The following HAS3 variants were observed in gnomAD, a reference collection of about 807,000 sequenced individuals.
HAS3 encodes the protein hyaluronan synthase 3.
In HAS3, 27 loss-of-function variants were observed where a neutral mutation model predicts 50.3. That is an observed-to-expected ratio of 0.54 (90% CI 0.40 to 0.74). The LOEUF is 0.74. Ranked by LOEUF, HAS3 falls within the 30% of genes least tolerant of loss-of-function variation. HAS3 has a pLI of 0.00. For missense variants in HAS3, 517 were observed against 742.8 expected (o/e 0.70, Z 3.53); for synonymous variants, 339 against 310.9 (o/e 1.09, Z -0.95).
At chr16:69,113,644 G>A in intron 3 of HAS3, 102 bp downstream of exon 3, 1 of 703,906 alleles carries the variant, frequency 1.4e-6, no homozygotes, top group East Asian at 2.7e-5. Flanking sequence ...CCTAGTATTG[G>A]GGGGAGGTTC....
At chr16:69,093,825 C>T in the HAS3 span, among the ~76,000 whole-genome samples, 5 of 152,112 alleles carry the variant, frequency 3.3e-5, no homozygotes, top group Admixed American at 1.3e-4. Flanking sequence ...CCACTGCGCC[C>T]GGCCTACAGT....
chr16:69,100,243 T>C, the HAS3 span, among the ~76,000 whole-genome samples: 6 of 152,198 alleles, frequency 3.9e-5, no homozygotes, highest in East Asian at 1.9e-4. Flanking sequence ...GCTGCCTTGC[T>C]GTAGTCAAGG....
At chr16:69,101,545 C>T (rs898043578), upstream of HAS3, among the ~76,000 whole-genome samples, 3 of 152,066 alleles carry the variant, frequency 2.0e-5, no homozygotes, top group Non-Finnish European at 4.4e-5. Flanking sequence ...TCTTCTTCCA[C>T]CCTGGCCTCT....
rs1225373041 is a variant in HAS3, at chr16:69,113,214, C to G, written c.637-227C>G. Among the ~76,000 whole-genome samples the G allele has an allele frequency of 2.0e-5, 3 of 152,240 alleles. No individual in the cohort carries two copies. In the East Asian group the frequency reaches 5.8e-4, roughly 29 times the overall value. On this transcript the variant is annotated intron_variant, in intron 2 of 3. Coordinates refer to ENST00000569188, the MANE Select transcript of HAS3 (RefSeq NM_001199280.2). ...CTGGCACCTACTGTCTTCAGGGTTT[C>G]TCCCTCTCAGCCTAGTGGCTGTCAA...
At chr16:69,095,201 T>G in the HAS3 span, among the ~76,000 whole-genome samples, 11 of 152,166 alleles carry the variant, frequency 7.2e-5, no homozygotes, top group Non-Finnish European at 1.3e-4. Context: ...GCCAGGCTGG[T>G]CTTGAACTCC....
chr16:69,114,384 C>T lies in HAS3; in HGVS notation c.780C>T (p.Ser260=), dbSNP rs200905089. The change falls in exon 4 of 4, where the codon AGC becomes AGT. Residue 260 remains serine, a synonymous_variant. Transcript: ENST00000569188. This position sits in a 1 kb window ranked among gnomAD's most constrained non-coding sequence, Gnocchi z 6.4. ...KYDSWISFLS[S]VRYWMAFNVE... ...ACTCATGGATTTCCTTCCTGAGCAG[C>T]GTGCGGTACTGGATGGCCTTCAACG... 31 of 1,608,578 alleles carry T rather than the reference C, an allele frequency of 1.9e-5. No individual in the cohort carries two copies. The East Asian group carries it at 5.3e-4, about 28-fold the overall frequency.
chr16:69,088,514 G>C, the HAS3 span, among the ~76,000 whole-genome samples: 1 of 148,394 alleles, frequency 6.7e-6, no homozygotes, highest in African/African-American at 2.5e-5. Context: ...GAGTGAGACT[G>C]TGCTACTGCC....
intron 2 of HAS3, among the ~76,000 whole-genome samples, chr16:69,110,384 G>A (rs957011402): frequency 1.5e-4 from 23 of 152,168 alleles, no homozygotes; most frequent in Non-Finnish European, 2.9e-4. Flanking sequence ...GGAATAAGGC[G>A]TGAGCCACCA....
At chr16:69,113,652 T>G in intron 3 of HAS3, 110 bp downstream of exon 3, 2 of 652,372 alleles carry the variant, frequency 3.1e-6, no homozygotes, top group East Asian at 2.8e-5. Context: ...TGGGGGGAGG[T>G]TCCTCGCTGG....
Position 69,116,019 on chromosome 16 carries a change from TG to T in HAS3, c.*754del. 1 of 985,480 alleles carries T rather than the reference TG, an allele frequency of 1.0e-6. No individual in the cohort carries two copies. Among genetic ancestry groups the T allele is most frequent in the Admixed American group, 6.2e-5 (1 of 16,240 alleles). The allele number at this position is 985,480 out of a possible 1,614,324, so 61.0% of individuals were successfully genotyped here. On this transcript the variant is annotated 3_prime_UTR_variant, in exon 4 of 4. Transcript: ENST00000569188. ...GGCCTTGGGTGTTCCACCTGGAAAC[TG>T]CTCAGACGTCTAGATGGGTTCTTAG...
chr16:69,116,365 G>C lies in HAS3; in HGVS notation c.*1099G>C. The C allele has an allele frequency of 1.0e-6, 1 of 985,892 alleles. No homozygotes were observed. The highest frequency in any genetic ancestry group is 1.2e-6 in the Non-Finnish European group (1 of 829,934). The allele number at this position is 985,892 out of a possible 1,614,324, so 61.1% of individuals were successfully genotyped here. A position where few individuals can be genotyped will look rare whatever the true frequency, so the allele number is the denominator to read the frequency against. ...CATATGGGAACTATGAGGAGCCTCTGATCAAATTGGCTACAATCTTGGAGC... is the reference window on the plus strand; with the variant it reads ...CATATGGGAACTATGAGGAGCCTCTCATCAAATTGGCTACAATCTTGGAGC... On this transcript the variant is annotated 3_prime_UTR_variant, in exon 4 of 4. Transcript: ENST00000569188.
At position 69,116,295 on chromosome 16, in the gene HAS3, C is replaced by T. The variant is rs372847130; in HGVS notation, c.*1029C>T. On this transcript the variant is annotated 3_prime_UTR_variant, in exon 4 of 4. Transcript: ENST00000569188. The stretch of plus-strand genomic sequence containing the variant: ...CAAGGTGGCAATTGGGGCGGAGCCC[C>T]GGCTCTTATAGAAGCTTCAGCAGGA... 17 of 985,768 alleles carry T rather than the reference C, an allele frequency of 1.7e-5. No homozygotes were observed. In the East Asian group the frequency reaches 3.4e-4, roughly 20 times the overall value. The allele number at this position is 985,768 out of a possible 1,614,324, so 61.1% of individuals were successfully genotyped here. A position where few individuals can be genotyped will look rare whatever the true frequency, so the allele number is the denominator to read the frequency against.
Position 69,107,957 on chromosome 16 carries a change from G to C in HAS3, c.1-1439G>C, listed in dbSNP as rs1960864154. On this transcript the variant is annotated intron_variant, in intron 1 of 3. Transcript: ENST00000569188. The surrounding 1 kb of genome is among the most constrained non-coding windows in gnomAD (Gnocchi z 5.5). ...GGAGTCTCAGGTCGATTTAGGCAGT[G>C]ACTGCGTGTTCTTCGTCCCTTCTAC... 1.3e-5 allele frequency among the ~76,000 whole-genome samples: 2 copies of C among 152,268 alleles called. No homozygotes were observed. Among genetic ancestry groups the C allele is most frequent in the African/African-American group, 4.8e-5 (2 of 41,480 alleles).
At chr16:69,096,496 A>G in the HAS3 span, among the ~76,000 whole-genome samples, 2 of 120,882 alleles carry the variant, frequency 1.7e-5, no homozygotes, top group Admixed American at 1.1e-4. Flanking sequence ...AGATCACACC[A>G]TGCATTCCAG....
upstream of HAS3, among the ~76,000 whole-genome samples, chr16:69,101,922 T>C (rs532062800): frequency 6.6e-4 from 100 of 152,154 alleles, no homozygotes; most frequent in Admixed American, 1.1e-3. Flanking sequence ...GTAGCTGGGA[T>C]TACAGGCGCA....
chr16:69,116,385 T>C lies in HAS3; in HGVS notation c.*1119T>C, dbSNP rs917107991. Reference sequence around the variant, plus strand: ...CCTCTGATCAAATTGGCTACAATCTTGGAGCTGCTTGGACGGATTCCTTGG... The same window carrying C: ...CCTCTGATCAAATTGGCTACAATCTCGGAGCTGCTTGGACGGATTCCTTGG... On this transcript the variant is annotated 3_prime_UTR_variant, in exon 4 of 4. Transcript: ENST00000569188. 4.4e-5 allele frequency: 43 copies of C among 985,796 alleles called. No individual in the cohort carries two copies. The highest frequency in any genetic ancestry group is 6.1e-5 in the Admixed American group (1 of 16,272). The allele number at this position is 985,796 out of a possible 1,614,324, so 61.1% of individuals were successfully genotyped here.
the HAS3 span, among the ~76,000 whole-genome samples, chr16:69,095,705 G>T: frequency 1.3e-5 from 2 of 151,952 alleles, no homozygotes; most frequent in African/African-American, 4.8e-5. Context: ...AGGGAGTGGG[G>T]GTCCTAGCCA....
chr16:69,115,509 T>G lies in HAS3; in HGVS notation c.*243T>G. 8.1e-7 allele frequency: 1 copy of G among 1,233,798 alleles called. No homozygotes were observed. The highest frequency in any genetic ancestry group is 1.0e-6 in the Non-Finnish European group (1 of 987,600). The allele number at this position is 1,233,798 out of a possible 1,614,324, so 76.4% of individuals were successfully genotyped here. On this transcript the variant is annotated 3_prime_UTR_variant, in exon 4 of 4. Coordinates refer to ENST00000569188, the MANE Select transcript of HAS3 (RefSeq NM_001199280.2). ...ATTCTGTGTTTTCAGACTGCCTGTC[T>G]GCTTGCATCTGCACATAGGCAGTAG...
chr16:69,099,550 T>A, the HAS3 span, among the ~76,000 whole-genome samples: 1 of 150,740 alleles, frequency 6.6e-6, no homozygotes, highest in Non-Finnish European at 1.5e-5. Context: ...ATGATCTCGA[T>A]CTCCTGACCT....
Sources: gnomAD v4.1 joint callset for allele counts (sites outside exome capture counted in the v4.1 genomes callset) on GRCh38, gnomAD v4.1.1 for gene constraint, Gnocchi (gnomAD v3.1) non-coding constraint, MANE v1.5 for transcripts, NCBI Gene and HGNC (gene_info 2026-07-23, HGNC 2026-07-21) for gene names.